SNX13: variants seen among roughly 807,000 people sequenced by gnomAD.
SNX13 encodes the protein sorting nexin 13.
SNX13 carries 45 observed loss-of-function variants against 133.6 expected under a neutral mutation model. The observed-to-expected ratio is 0.34, with a 90% confidence interval of 0.27 to 0.43. The LOEUF (loss-of-function observed/expected upper bound fraction) is 0.43. SNX13 is among the 20% of genes least tolerant of loss of function. The pLI, the probability that SNX13 is intolerant of heterozygous loss-of-function variation, is 1.00. For synonymous variants in SNX13, 414 were observed against 373.9 expected (o/e 1.11, Z -1.24); for missense variants, 1,032 against 1,145.1 (o/e 0.90, Z 1.43).
intron 22 of SNX13, among the ~76,000 whole-genome samples, chr7:17,799,828 G>A (rs1470748059): frequency 2.0e-5 from 3 of 151,708 alleles, no homozygotes; most frequent in Admixed American, 6.6e-5. Flanking sequence ...AAAAAAATAC[G>A]TATAAAATAA....
intron 12 of SNX13, among the ~76,000 whole-genome samples, chr7:17,845,377 G>A (rs1351171326): frequency 6.6e-6 from 1 of 152,162 alleles, no homozygotes; most frequent in African/African-American, 2.4e-5. Context: ...GGTTGAGAGT[G>A]TGAGGAATGG....
chr7:17,824,546 C>T (rs1787659249), intron 17 of SNX13, among the ~76,000 whole-genome samples: 1 of 151,736 alleles, frequency 6.6e-6, no homozygotes, highest in Admixed American at 6.6e-5. Context: ...TTATTACTAG[C>T]CCATCTCACA....
intron 1 of SNX13, among the ~76,000 whole-genome samples, chr7:17,912,236 C>G (rs1386690073): frequency 1.3e-5 from 2 of 152,114 alleles, no homozygotes; most frequent in African/African-American, 4.8e-5. Context: ...AAGGGACAGT[C>G]AGTATCCCTC....
At chr7:17,817,708 G>A (rs1786812895) in intron 18 of SNX13, among the ~76,000 whole-genome samples, 1 of 151,916 alleles carries the variant, frequency 6.6e-6, no homozygotes, top group Admixed American at 6.6e-5. Context: ...ATTTACAAAA[G>A]TATTAGAAAT....
At chr7:17,866,983 C>T (rs1793475649) in intron 9 of SNX13, among the ~76,000 whole-genome samples, 1 of 152,100 alleles carries the variant, frequency 6.6e-6, no homozygotes, top group South Asian at 2.1e-4. Context: ...TAAATATGTA[C>T]AACTCTTACA....
In SNX13 at chr7:17,931,708, C is replaced by A. The variant is rs117556797; in HGVS notation, c.12+8576G>T. ...CAGATGCATCAGAATAAAAAGATCCCTTAGGAAATCAGAGAAAACAGTGCA... is the reference window on the plus strand; with the variant it reads ...CAGATGCATCAGAATAAAAAGATCCATTAGGAAATCAGAGAAAACAGTGCA... On this transcript the variant is annotated intron_variant, in intron 1 of 25. Transcript: ENST00000428135. 5.3e-5 allele frequency among the ~76,000 whole-genome samples: 8 copies of A among 152,276 alleles called. No individual in the cohort carries two copies. In the East Asian group the frequency reaches 1.5e-3, roughly 29 times the overall value.
At chr7:17,825,551 G>A (rs1295287116) in intron 17 of SNX13, among the ~76,000 whole-genome samples, 3 of 152,130 alleles carry the variant, frequency 2.0e-5, no homozygotes, top group Non-Finnish European at 4.4e-5. Flanking sequence ...TATGCTGAAT[G>A]ATCACAAAGT....
chr7:17,811,616 T>C (rs532420373), intron 20 of SNX13, among the ~76,000 whole-genome samples: 12 of 152,256 alleles, frequency 7.9e-5, no homozygotes, highest in East Asian at 1.9e-4. Context: ...CAAGCTACCA[T>C]TGACTTTCTT....
chr7:17,847,235 GCA>G (rs35220289), intron 11 of SNX13, among the ~76,000 whole-genome samples: 78,380 of 150,696 alleles, frequency 0.52, 22,194 homozygotes, highest in African/African-American at 0.75. Flanking sequence ...AAACAAAGGT[GCA>G]CACACACACA....
chr7:17,814,205 A>G (rs570377150), intron 20 of SNX13, among the ~76,000 whole-genome samples: 13 of 152,152 alleles, frequency 8.5e-5, no homozygotes, highest in Non-Finnish European at 1.5e-4. Flanking sequence ...ATGAAATTTA[A>G]ATCTTCATTT....
At chr7:17,861,303 GCAGTTATCACACATA>G (rs1174226283) in intron 9 of SNX13, among the ~76,000 whole-genome samples, 2 of 150,658 alleles carry the variant, frequency 1.3e-5, no homozygotes, top group Non-Finnish European at 3.0e-5. Context: ...GATGGGTTTG[GCAGTTATCACACATA>G]CAGTTATCAC....
chr7:17,840,543 T>C (rs1399375005), intron 12 of SNX13, among the ~76,000 whole-genome samples: 1 of 152,038 alleles, frequency 6.6e-6, no homozygotes, highest in African/African-American at 2.4e-5. Context: ...ATATACATTG[T>C]ATGTTCCCAA....
intron 1 of SNX13, among the ~76,000 whole-genome samples, chr7:17,911,005 G>T (rs948877549): frequency 6.6e-6 from 1 of 152,100 alleles, no homozygotes; most frequent in African/African-American, 2.4e-5. Context: ...CAATACCAAT[G>T]AATCACTCAT....
rs1010213815 is a variant in SNX13 at position 17,940,460 on chromosome 7, C to T, written c.-165G>A. 2 of 771,050 alleles carry T rather than the reference C, an allele frequency of 2.6e-6. No individual in the cohort carries two copies. The highest frequency in any genetic ancestry group is 2.0e-5 in the Admixed American group (1 of 50,052). The allele number at this position is 771,050 out of a possible 1,614,324, so 47.8% of individuals were successfully genotyped here. On this transcript the variant is annotated 5_prime_UTR_variant, in exon 1 of 26. Transcript: ENST00000428135. Reference sequence around the variant, plus strand: ...TTCGCTGGCCTCCCCTCGGCCCGGTCGCTCGCGACGGACGCGCCGCCATCT... The same window carrying T: ...TTCGCTGGCCTCCCCTCGGCCCGGTTGCTCGCGACGGACGCGCCGCCATCT...
At chr7:17,857,520 C>G (rs1020261255) in intron 9 of SNX13, among the ~76,000 whole-genome samples, 3 of 152,166 alleles carry the variant, frequency 2.0e-5, no homozygotes, top group African/African-American at 7.2e-5. Flanking sequence ...TGCGGTGGCT[C>G]ACACCTATAA....
At position 17,810,267 on chromosome 7, in the gene SNX13, T is replaced by C. The variant is rs192333344; in HGVS notation, c.2064+4567A>G. Among the ~76,000 whole-genome samples, 24 of 151,574 alleles carry C rather than the reference T, an allele frequency of 1.6e-4. No individual in the cohort carries two copies. In the East Asian group the frequency reaches 4.7e-3, roughly 29 times the overall value. ...AAAGAGAAGAATCAAATAGACACAA[T>C]AAAAAATGATAAAGGGGATATCACC... is the stretch of plus-strand genomic sequence containing the variant. On this transcript the variant is annotated intron_variant, in intron 20 of 25. Transcript: ENST00000428135.
intron 21 of SNX13, among the ~76,000 whole-genome samples, chr7:17,802,416 T>C (rs1435896746): frequency 6.6e-6 from 1 of 152,066 alleles, no homozygotes; most frequent in Non-Finnish European, 1.5e-5. Context: ...AAATGTTAGA[T>C]GGAAAGAAGG....
At chr7:17,916,619 C>T (rs1004667110) in intron 1 of SNX13, among the ~76,000 whole-genome samples, 1 of 151,748 alleles carries the variant, frequency 6.6e-6, no homozygotes, top group African/African-American at 2.4e-5. Flanking sequence ...AAATGGAAAC[C>T]CTGAACAGAT....
At chr7:17,913,029 C>A (rs187884803) in intron 1 of SNX13, among the ~76,000 whole-genome samples, 7 of 152,310 alleles carry the variant, frequency 4.6e-5, no homozygotes, top group African/African-American at 1.7e-4. Context: ...CACTGCTGGG[C>A]ACCCCAGTCT....
Sources: gnomAD v4.1 joint callset for allele counts (sites outside exome capture counted in the v4.1 genomes callset) on GRCh38, gnomAD v4.1.1 for gene constraint, MANE v1.5 for transcripts, NCBI Gene and HGNC (gene_info 2026-07-23, HGNC 2026-07-21) for gene names.